PCCA: variants seen among roughly 807,000 people sequenced by gnomAD.
The protein encoded by PCCA is propionyl-CoA carboxylase subunit alpha, also known as propionyl-CoA carboxylase alpha chain, mitochondrial.
PCCA carries 74 observed loss-of-function variants against 101.3 expected under a neutral mutation model. The ratio of observed to expected loss-of-function variants is 0.73; its 90% CI spans 0.61 to 0.89. The LOEUF (loss-of-function observed/expected upper bound fraction) is 0.89. Among genes scored for constraint, PCCA ranks in the 40% least tolerant of loss-of-function variants. PCCA has a pLI of 0.00. For missense variants in PCCA, 891 were observed against 907.0 expected, an observed-to-expected ratio of 0.98 and a Z score of 0.23; for synonymous variants, 294 against 313.6, an observed-to-expected ratio of 0.94 and a Z score of 0.66.
At chr13:100,425,153 A>G (rs1170443704) in intron 19 of PCCA, among the ~76,000 whole-genome samples, 3 of 152,184 alleles carry the variant, frequency 2.0e-5, no homozygotes, top group Non-Finnish European at 4.4e-5. Flanking sequence ...GACTTTTGAT[A>G]TTCAACACCA....
intron 18 of PCCA, among the ~76,000 whole-genome samples, chr13:100,342,942 G>C (rs562040105): frequency 5.9e-5 from 9 of 151,860 alleles, no homozygotes; most frequent in African/African-American, 1.9e-4. Context: ...GGCTAGTCTC[G>C]AACTCCTGGG....
At chr13:100,311,770 C>T (rs943389317) in intron 16 of PCCA, among the ~76,000 whole-genome samples, 5 of 151,346 alleles carry the variant, frequency 3.3e-5, no homozygotes, top group African/African-American at 1.2e-4. Flanking sequence ...ACTCTGTCTC[C>T]AAAAAAATAA....
intron 21 of PCCA, among the ~76,000 whole-genome samples, chr13:100,459,489 G>A (rs912533955): frequency 1.3e-5 from 2 of 152,178 alleles, no homozygotes; most frequent in South Asian, 2.1e-4. Context: ...ACTGCAGTTC[G>A]TACCCCATAC....
chr13:100,374,502 C>T (rs1052637247), intron 19 of PCCA, among the ~76,000 whole-genome samples: 3 of 151,912 alleles, frequency 2.0e-5, no homozygotes, highest in African/African-American at 7.3e-5. Flanking sequence ...GTGGTGCGCA[C>T]CTATAGTCCA....
chr13:100,263,920 G>T (rs28538960), intron 10 of PCCA, among the ~76,000 whole-genome samples: 20 of 146,118 alleles, frequency 1.4e-4, no homozygotes, highest in African/African-American at 2.3e-4. Flanking sequence ...GTATGTCATA[G>T]ATACGGTATC....
chr13:100,365,367 A>G (rs1163322861), intron 18 of PCCA, among the ~76,000 whole-genome samples: 3 of 152,208 alleles, frequency 2.0e-5, no homozygotes, highest in African/African-American at 7.2e-5. Flanking sequence ...GAGAGTGGCA[A>G]CTGTATCTCA....
intron 8 of PCCA, among the ~76,000 whole-genome samples, chr13:100,241,022 C>T (rs72658542): frequency 0.037 from 5,645 of 152,114 alleles, 146 homozygotes; most frequent in Non-Finnish European, 0.06. Flanking sequence ...AGTCAGTTCT[C>T]GCCTACCCCC....
intron 17 of PCCA, among the ~76,000 whole-genome samples, chr13:100,334,030 G>C (rs1346349163): frequency 6.6e-6 from 1 of 152,084 alleles, no homozygotes; most frequent in East Asian, 1.9e-4. Context: ...CTATACTACA[G>C]GACAGGATAA....
chr13:100,151,138 T>A (rs906386318), intron 4 of PCCA: 1 of 990,230 alleles, frequency 1.0e-6, no homozygotes, highest in East Asian at 2.4e-5. Context: ...AGAAAAGAAG[T>A]TTAATTTATT....
intron 21 of PCCA, among the ~76,000 whole-genome samples, chr13:100,486,986 G>C (rs1275567857): frequency 1.3e-5 from 2 of 152,160 alleles, no homozygotes; most frequent in East Asian, 3.8e-4. Context: ...TGCCGAACTT[G>C]AGCGGAATTG....
chr13:100,100,780 ACTT>A (rs1187420861), intron 1 of PCCA, among the ~76,000 whole-genome samples: 14 of 130,084 alleles, frequency 1.1e-4, no homozygotes, highest in East Asian at 5.2e-4. Context: ...TACGAGTTCT[ACTT>A]CTTCTTTTTT....
rs1433302031 is a variant in PCCA, at chr13:100,302,029, T to A, written c.1209+426T>A. ...TGTTGATCAGATATTTACTTAAAAT[T>A]TTTCCCAACCTTTTTTTTGTATAAT... On this transcript the variant is annotated intron_variant, in intron 13 of 23. Transcript: ENST00000376285. 3.9e-5 allele frequency among the ~76,000 whole-genome samples: 6 copies of A among 152,314 alleles called. No individual in the cohort carries two copies. In the East Asian group the frequency reaches 9.6e-4, roughly 24 times the overall value.
At chr13:100,241,895 T>A (rs2061160915) in intron 8 of PCCA, among the ~76,000 whole-genome samples, 1 of 152,244 alleles carries the variant, frequency 6.6e-6, no homozygotes, top group African/African-American at 2.4e-5. Context: ...TTTGGGTATA[T>A]TCTTCGAAGT....
chr13:100,252,689 G>A (rs1377670231), intron 8 of PCCA, among the ~76,000 whole-genome samples: 2 of 152,118 alleles, frequency 1.3e-5, no homozygotes, highest in African/African-American at 4.8e-5. Context: ...TTTTTAACTT[G>A]GAATCCATAA....
intron 1 of PCCA, among the ~76,000 whole-genome samples, chr13:100,094,462 C>A (rs1436774725): frequency 2.6e-5 from 4 of 152,076 alleles, no homozygotes; most frequent in Non-Finnish European, 5.9e-5. Flanking sequence ...TTAGAAAAAA[C>A]CCCACAAACT....
Position 100,513,680 on chromosome 13 carries a change from G to A in PCCA, c.1900-1747G>A, listed in dbSNP as rs80079294. On this transcript the variant is annotated intron_variant, in intron 21 of 23. Coordinates refer to ENST00000376285, the MANE Select transcript of PCCA (RefSeq NM_000282.4). ...AAATGTGGTAAATCATATTCTCAGC[G>A]AATGAAGATACTTTTCCTGAATTTA... Among the ~76,000 whole-genome samples, 461 of 152,230 alleles carry A rather than the reference G, an allele frequency of 3.0e-3. 2 individuals are homozygous for A. The highest frequency in any genetic ancestry group is 0.01 in the African/African-American group (417 of 41,544).
At chr13:100,283,311 G>A (rs1293375434) in intron 12 of PCCA, among the ~76,000 whole-genome samples, 1 of 152,172 alleles carries the variant, frequency 6.6e-6, no homozygotes, top group East Asian at 1.9e-4. Context: ...CCCATCCCCA[G>A]TATGGATCCC....
chr13:100,440,649 T>A (rs1386398055), intron 20 of PCCA, among the ~76,000 whole-genome samples: 1 of 152,046 alleles, frequency 6.6e-6, no homozygotes, highest in African/African-American at 2.4e-5. Context: ...AGTCCTAAAG[T>A]GTTTTACAGG....
At chr13:100,379,167 A>G (rs2076086227) in intron 19 of PCCA, among the ~76,000 whole-genome samples, 1 of 152,152 alleles carries the variant, frequency 6.6e-6, no homozygotes, top group Non-Finnish European at 1.5e-5. Context: ...TAGTCACTGT[A>G]TAGTGTAGTC....
Sources: gnomAD v4.1 joint callset for allele counts (sites outside exome capture counted in the v4.1 genomes callset) on GRCh38, gnomAD v4.1.1 for gene constraint, MANE v1.5 for transcripts, NCBI Gene and HGNC (gene_info 2026-07-23, HGNC 2026-07-21) for gene names.